NRG1: variants seen among roughly 807,000 people sequenced by gnomAD.
The protein encoded by NRG1 is neuregulin 1.
A neutral mutation model predicts 63.8 loss-of-function variants in NRG1; 18 were observed. That is an observed-to-expected ratio of 0.28 (90% confidence interval 0.19 to 0.42). The LOEUF is 0.42. Among genes scored for constraint, NRG1 ranks in the 10% least tolerant of loss-of-function variants. NRG1 has a pLI of 1.00. For missense variants in NRG1, 762 were observed against 814.7 expected, an observed-to-expected ratio of 0.94 and a Z score of 0.79; for synonymous variants, 302 against 301.3, an observed-to-expected ratio of 1.00 and a Z score of -0.02.
At chr8:31,936,306 A>G (rs1372763618) in intron 1 of NRG1, among the ~76,000 whole-genome samples, 1 of 152,202 alleles carries the variant, frequency 6.6e-6, no homozygotes, top group Non-Finnish European at 1.5e-5. Context: ...ACAGTCATAC[A>G]TATTTCATAA....
chr8:32,135,760 G>T (rs1038676646), intron 1 of NRG1, among the ~76,000 whole-genome samples: 2 of 152,002 alleles, frequency 1.3e-5, no homozygotes, highest in Admixed American at 1.3e-4. Context: ...GCAATTTTGT[G>T]AGCCTGTAAC....
chr8:32,146,275 G>A (rs942754395), intron 1 of NRG1, among the ~76,000 whole-genome samples: 11 of 152,170 alleles, frequency 7.2e-5, no homozygotes, highest in African/African-American at 1.7e-4. Context: ...GTGAAAGGTG[G>A]TAAAATGTTT....
intron 1 of NRG1, among the ~76,000 whole-genome samples, chr8:32,351,149 C>T (rs985217310): frequency 4.6e-5 from 7 of 152,122 alleles, no homozygotes; most frequent in Non-Finnish European, 1.0e-4. Flanking sequence ...CTAATTAAAA[C>T]ATCTCAGGGC....
intron 1 of NRG1, among the ~76,000 whole-genome samples, chr8:31,924,137 A>G (rs1482532549): frequency 6.6e-6 from 1 of 152,054 alleles, no homozygotes; most frequent in Non-Finnish European, 1.5e-5. Flanking sequence ...GGCAGATCAC[A>G]AGATCAGGAG....
intron 1 of NRG1, among the ~76,000 whole-genome samples, chr8:32,146,357 C>T (rs1400036909): frequency 6.6e-6 from 1 of 152,120 alleles, no homozygotes; most frequent in African/African-American, 2.4e-5. Context: ...AAAAGATAGA[C>T]ATTGACAAAA....
intron 1 of NRG1, among the ~76,000 whole-genome samples, chr8:32,214,976 G>A (rs1223348913): frequency 1.3e-5 from 2 of 152,176 alleles, no homozygotes; most frequent in Admixed American, 1.3e-4. Flanking sequence ...CATTGTGATA[G>A]GTATTTTAAA....
intron 1 of NRG1, among the ~76,000 whole-genome samples, chr8:32,425,835 A>G (rs577910257): frequency 5.3e-5 from 8 of 152,302 alleles, no homozygotes; most frequent in African/African-American, 1.7e-4. Flanking sequence ...ATTTATTTGG[A>G]ATAGGAAGGG....
chr8:32,648,657 G>A (rs1377240015), intron 5 of NRG1, among the ~76,000 whole-genome samples: 2 of 152,172 alleles, frequency 1.3e-5, no homozygotes, highest in African/African-American at 2.4e-5. Context: ...TGCAAGTCAT[G>A]CTTGAATTTA....
At chr8:31,848,279 C>T (rs974890447) in intron 1 of NRG1, among the ~76,000 whole-genome samples, 5 of 152,086 alleles carry the variant, frequency 3.3e-5, no homozygotes, top group Non-Finnish European at 7.4e-5. Flanking sequence ...TAGATGACTG[C>T]TCTCAAAATT....
intron 1 of NRG1, among the ~76,000 whole-genome samples, chr8:32,171,107 T>C (rs916947703): frequency 6.6e-5 from 10 of 152,146 alleles, no homozygotes; most frequent in African/African-American, 2.4e-4. Flanking sequence ...CTGAGGATAT[T>C]TTTTCTGTGT....
intron 1 of NRG1, among the ~76,000 whole-genome samples, chr8:31,846,699 C>A (rs1255829367): frequency 6.6e-6 from 1 of 152,082 alleles, no homozygotes; most frequent in Non-Finnish European, 1.5e-5. Context: ...ATGAAATTCA[C>A]CCTCATCTTT....
chr8:32,636,839 A>C (rs538249775), intron 5 of NRG1, among the ~76,000 whole-genome samples: 15 of 152,304 alleles, frequency 9.8e-5, no homozygotes. Flanking sequence ...TATAATTTTG[A>C]AATTCATCTT....
At chr8:32,282,436 A>G (rs987291922) in intron 1 of NRG1, among the ~76,000 whole-genome samples, 1 of 152,216 alleles carries the variant, frequency 6.6e-6, no homozygotes, top group Admixed American at 6.5e-5. Flanking sequence ...TCCGCCTTCC[A>G]TGAGTGGTTC....
rs891431273 is a variant in NRG1 at position 31,888,045 on chromosome 8, A to ATATT, written c.37+248617_37+248618insTTAT. 5.1e-4 allele frequency among the ~76,000 whole-genome samples: 77 copies of ATATT among 151,876 alleles called. 1 individual carries two copies. Among genetic ancestry groups the ATATT allele is most frequent in the African/African-American group, 1.6e-3 (67 of 41,472 alleles). ...TATGTAATTGATATGTTACATATCAATATATATTATACATGTATTGATGTC... is the reference window on the plus strand; with the variant it reads ...TATGTAATTGATATGTTACATATCAATATTTATATATTATACATGTATTGATGTC... On this transcript the variant is annotated intron_variant, in intron 1 of 10. Transcript: ENST00000519301.
At chr8:32,363,879 A>T (rs1476362602) in intron 1 of NRG1, among the ~76,000 whole-genome samples, 1 of 152,130 alleles carries the variant, frequency 6.6e-6, no homozygotes, top group Non-Finnish European at 1.5e-5. Context: ...GAATGAAGAA[A>T]TTATGAGGGG....
intron 1 of NRG1, among the ~76,000 whole-genome samples, chr8:31,761,553 T>G (rs1817561981): frequency 6.6e-6 from 1 of 152,152 alleles, no homozygotes; most frequent in African/African-American, 2.4e-5. Context: ...TTAATTGTTT[T>G]AATTTCACTA....
chr8:32,041,740 A>C (rs1361727368), intron 1 of NRG1, among the ~76,000 whole-genome samples: 3 of 152,206 alleles, frequency 2.0e-5, no homozygotes, highest in Non-Finnish European at 2.9e-5. Context: ...TGTAACAGAG[A>C]AGAAGGAATA....
intron 1 of NRG1, among the ~76,000 whole-genome samples, chr8:31,708,080 G>C (rs1811329196): frequency 6.6e-6 from 1 of 152,066 alleles, no homozygotes; most frequent in African/African-American, 2.4e-5. Context: ...GTATCCATCT[G>C]TACAGTCCTA....
chr8:32,236,839 T>A (rs189403273), intron 1 of NRG1, among the ~76,000 whole-genome samples: 2 of 152,252 alleles, frequency 1.3e-5, no homozygotes, highest in East Asian at 3.9e-4. Context: ...ATTCTGGCAG[T>A]CAGATGCAGC....
Sources: gnomAD v4.1 joint callset for allele counts (sites outside exome capture counted in the v4.1 genomes callset) on GRCh38, gnomAD v4.1.1 for gene constraint, MANE v1.5 for transcripts, NCBI Gene and HGNC (gene_info 2026-07-23, HGNC 2026-07-21) for gene names.